The following TMC1 variants were observed in gnomAD, a reference collection of about 807,000 sequenced individuals.
TMC1 encodes the protein transmembrane channel like 1.
Under a neutral mutation model 105.8 loss-of-function variants are expected in TMC1, and 84 were observed. That is an observed-to-expected ratio of 0.79 (90% CI 0.67 to 0.95). The LOEUF (loss-of-function observed/expected upper bound fraction) is 0.95, where lower values mean the gene tolerates loss of function less well. TMC1 is among the 40% of genes least tolerant of loss of function. The pLI is 0.00. For missense variants in TMC1, 817 were observed against 914.1 expected (o/e 0.89, Z 1.37); for synonymous variants, 315 against 311.5 (o/e 1.01, Z -0.12).
chr9:72,650,915 T>C (rs1292868513), intron 5 of TMC1, among the ~76,000 whole-genome samples: 1 of 143,180 alleles, frequency 7.0e-6, no homozygotes, highest in Admixed American at 7.1e-5. Context: ...TATATATAGA[T>C]ATATATATAA....
chr9:72,623,995 C>A (rs958625869), intron 3 of TMC1, among the ~76,000 whole-genome samples: 11 of 152,156 alleles, frequency 7.2e-5, no homozygotes, highest in Non-Finnish European at 1.6e-4. Flanking sequence ...TAAATCCATA[C>A]TCAGAATATG....
At chr9:72,618,798 G>C (rs1164765444) in intron 3 of TMC1, among the ~76,000 whole-genome samples, 1 of 151,984 alleles carries the variant, frequency 6.6e-6, no homozygotes, top group Non-Finnish European at 1.5e-5. Flanking sequence ...CAAGATTTCA[G>C]AGAAAAACAA....
chr9:72,645,220 C>G (rs1405765313), intron 4 of TMC1, among the ~76,000 whole-genome samples: 2 of 152,188 alleles, frequency 1.3e-5, no homozygotes, highest in African/African-American at 4.8e-5. Flanking sequence ...ACTGGCTCAG[C>G]TTACACAATT....
Position 72,698,717 on chromosome 9 carries a change from A to G in TMC1, c.237-1801A>G, listed in dbSNP as rs7026777. Among the ~76,000 whole-genome samples the G allele has an allele frequency of 9.8e-3, 1,495 of 152,296 alleles. 23 individuals are homozygous for G. The highest frequency in any genetic ancestry group is 0.035 in the African/African-American group (1,436 of 41,564). On this transcript the variant is annotated intron_variant, in intron 7 of 23. Transcript: ENST00000297784. ...AGGAACAATGGAAAGGGTTGAAACG[A>G]AAACACTGTAGCGTAGAGGAAAGAC...
At chr9:72,727,349 T>C (rs1427464293) in intron 8 of TMC1, among the ~76,000 whole-genome samples, 4 of 152,308 alleles carry the variant, frequency 2.6e-5, no homozygotes, top group African/African-American at 7.2e-5. Flanking sequence ...GGAATTCATA[T>C]ATTTCCTTGA....
At chr9:72,760,750 G>A (rs1295080539) in intron 12 of TMC1, among the ~76,000 whole-genome samples, 8 of 152,100 alleles carry the variant, frequency 5.3e-5, no homozygotes, top group Non-Finnish European at 1.0e-4. Flanking sequence ...ATAAACACAA[G>A]CATGATCTCT....
At chr9:72,549,443 G>T (rs1276480259) in intron 1 of TMC1, among the ~76,000 whole-genome samples, 2 of 147,526 alleles carry the variant, frequency 1.4e-5, no homozygotes, top group Admixed American at 6.8e-5. Flanking sequence ...AATTTTATGT[G>T]TTTTTTTTTT....
At chr9:72,688,822 C>A in intron 6 of TMC1, 66 bp downstream of exon 6, 2 of 1,365,330 alleles carry the variant, frequency 1.5e-6, no homozygotes, top group Non-Finnish European at 2.1e-6. Context: ...AAGAATTTAT[C>A]CTCTTGTGGA....
chr9:72,830,738 C>CTTTTTTTTTTTTTTT (rs71495342), intron 23 of TMC1, 56 bp downstream of exon 23: 69 of 1,148,004 alleles, frequency 6.0e-5, no homozygotes, highest in South Asian at 1.9e-4. Flanking sequence ...CTTTTTCTTT[C>CTTTTTTTTTTTTTTT]TTTTTTTTTT....
chr9:72,715,571 T>C (rs1826903362), intron 8 of TMC1, among the ~76,000 whole-genome samples: 1 of 152,096 alleles, frequency 6.6e-6, no homozygotes, highest in Non-Finnish European at 1.5e-5. Flanking sequence ...CATACTCGTG[T>C]ATGTTTCATG....
chr9:72,830,448 T>C lies in TMC1; in HGVS notation c.2130-3T>C. On this transcript the variant is annotated splice_region_variant and splice_polypyrimidine_tract_variant and intron_variant, in intron 21 of 23. Transcript: ENST00000297784. The stretch of plus-strand genomic sequence containing the variant: ...CACTGTATTTTTTTTCTTTTTAATT[T>C]AGTTTGGCCATCTATTATCTCAATG... 1 of 1,608,448 alleles carries C rather than the reference T, an allele frequency of 6.2e-7. No homozygotes were observed. The highest frequency in any genetic ancestry group is 8.5e-7 in the Non-Finnish European group (1 of 1,175,308).
chr9:72,774,511 T>G (rs1827978456), intron 13 of TMC1, among the ~76,000 whole-genome samples: 1 of 152,162 alleles, frequency 6.6e-6, no homozygotes, highest in African/African-American at 2.4e-5. Context: ...CTCTGTTGGG[T>G]AGAGTGGCTC....
At chr9:72,599,156 G>A (rs536575308) in intron 2 of TMC1, among the ~76,000 whole-genome samples, 3 of 152,172 alleles carry the variant, frequency 2.0e-5, no homozygotes, top group Non-Finnish European at 4.4e-5. Flanking sequence ...TCAGTCTCCC[G>A]AGTAGCTGGG....
At chr9:72,793,235 A>C (rs191063447) in intron 17 of TMC1, among the ~76,000 whole-genome samples, 4 of 152,202 alleles carry the variant, frequency 2.6e-5, no homozygotes, top group Middle Eastern at 3.4e-3. Context: ...TAGACCCCCA[A>C]CCACACCCCT....
intron 2 of TMC1, among the ~76,000 whole-genome samples, chr9:72,612,124 T>C (rs1825037511): frequency 6.6e-6 from 1 of 152,136 alleles, no homozygotes; most frequent in Admixed American, 6.6e-5. Context: ...TCAGGATCCT[T>C]TCCCCTTCAG....
chr9:72,656,010 C>A, intron 5 of TMC1: 2 of 767,428 alleles, frequency 2.6e-6, no homozygotes, highest in South Asian at 1.3e-5. Context: ...TAGTGATTCT[C>A]AAAGTCTTAG....
chr9:72,627,451 G>T (rs1351795871), intron 3 of TMC1, among the ~76,000 whole-genome samples: 1 of 152,126 alleles, frequency 6.6e-6, no homozygotes, highest in Non-Finnish European at 1.5e-5. Context: ...AGATCCCACT[G>T]CAGTGGCCTC....
intron 12 of TMC1, among the ~76,000 whole-genome samples, chr9:72,770,958 C>T (rs903387665): frequency 2.6e-5 from 4 of 152,178 alleles, no homozygotes; most frequent in Non-Finnish European, 5.9e-5. Flanking sequence ...ACTGAGTCCA[C>T]CTATTTAACT....
At chr9:72,553,477 A>T (rs1044726847) in intron 1 of TMC1, among the ~76,000 whole-genome samples, 4 of 152,312 alleles carry the variant, frequency 2.6e-5, no homozygotes, top group Admixed American at 6.5e-5. Context: ...ACCCAGTTGT[A>T]GCTGTTCTAC....
Sources: allele counts gnomAD v4.1 joint callset (sites outside exome capture counted in the v4.1 genomes callset), GRCh38; gene constraint gnomAD v4.1.1; transcripts MANE v1.5; gene names NCBI Gene and HGNC (gene_info 2026-07-23, HGNC 2026-07-21).